The following TSGA10 variants were observed in gnomAD, a reference collection of about 807,000 sequenced individuals.
The protein encoded by TSGA10 is testis specific 10.
In TSGA10, 43 loss-of-function variants were observed where a neutral mutation model predicts 96.6. That is an observed-to-expected ratio of 0.44 (90% CI 0.35 to 0.57). The LOEUF is 0.57. TSGA10 is among the 20% of genes least tolerant of loss of function. The pLI is 0.01. For synonymous variants in TSGA10, 229 were observed against 269.9 expected (o/e 0.85, Z 1.48); for missense variants, 703 against 834.4 (o/e 0.84, Z 1.94).
At chr2:99,049,721 A>G (rs1377694970) in intron 16 of TSGA10, among the ~76,000 whole-genome samples, 2 of 144,514 alleles carry the variant, frequency 1.4e-5, no homozygotes, top group Admixed American at 1.4e-4. Context: ...CCAGAACTTA[A>G]AGTATAATTT....
chr2:99,026,806 G>A (rs1279104657), intron 17 of TSGA10, among the ~76,000 whole-genome samples: 1 of 152,162 alleles, frequency 6.6e-6, no homozygotes, highest in African/African-American at 2.4e-5. Context: ...TGGATGAATT[G>A]ATAAAGAAAA....
intron 20 of TSGA10, among the ~76,000 whole-genome samples, chr2:99,008,745 AT>A (rs2078722714): frequency 6.6e-6 from 1 of 152,214 alleles, no homozygotes; most frequent in African/African-American, 2.4e-5. Context: ...CTTGTTTGTA[AT>A]TGCAAATTAT....
intron 1 of TSGA10, among the ~76,000 whole-genome samples, chr2:99,146,104 G>A (rs1400171472): frequency 5.9e-5 from 9 of 152,188 alleles, no homozygotes; most frequent in Admixed American, 3.3e-4. Context: ...CCAACATGGC[G>A]AAACATCGTC....
At chr2:99,119,668 T>G (rs151015553) in intron 2 of TSGA10, among the ~76,000 whole-genome samples, 3 of 152,318 alleles carry the variant, frequency 2.0e-5, no homozygotes, top group East Asian at 1.9e-4. Context: ...CTAACAATCA[T>G]TAATTATTTA....
intron 20 of TSGA10, among the ~76,000 whole-genome samples, chr2:99,008,404 G>C (rs1398290822): frequency 2.0e-5 from 3 of 152,104 alleles, no homozygotes; most frequent in Admixed American, 6.5e-5. Flanking sequence ...TTCCCAAAAA[G>C]AGATATAATA....
intron 16 of TSGA10, among the ~76,000 whole-genome samples, chr2:99,055,082 A>G (rs996726612): frequency 6.6e-6 from 1 of 152,254 alleles, no homozygotes. Context: ...ATTATTTACA[A>G]TAGCCAAGAT....
chr2:99,019,740 C>T (rs1374198154), intron 18 of TSGA10, among the ~76,000 whole-genome samples: 1 of 152,078 alleles, frequency 6.6e-6, no homozygotes, highest in Non-Finnish European at 1.5e-5. Context: ...TACAGGGAGG[C>T]AATTCCACCC....
At chr2:99,003,040 G>A (rs1288943116) in intron 20 of TSGA10, among the ~76,000 whole-genome samples, 1 of 152,004 alleles carries the variant, frequency 6.6e-6, no homozygotes, top group East Asian at 1.9e-4. Context: ...TGTATTTTTA[G>A]TAGAGACAGG....
chr2:99,035,203 T>C (rs941027475), intron 17 of TSGA10, 27 bp downstream of exon 17: 1 of 1,516,166 alleles, frequency 6.6e-7, no homozygotes, highest in African/African-American at 1.4e-5. Flanking sequence ...ATAGCAATTT[T>C]AAAGATTTTT....
chr2:99,119,419 T>C (rs2104929596), intron 2 of TSGA10, among the ~76,000 whole-genome samples: 1 of 152,326 alleles, frequency 6.6e-6, no homozygotes, highest in East Asian at 1.9e-4. Flanking sequence ...TAAAATGCCA[T>C]TTATGATCCA....
intron 20 of TSGA10, among the ~76,000 whole-genome samples, chr2:99,014,031 T>C (rs148200870): frequency 0.011 from 1,628 of 152,246 alleles, 9 homozygotes; most frequent in Middle Eastern, 0.027. Context: ...AGCAGACGTC[T>C]GTAATCTCAG....
intron 1 of TSGA10, among the ~76,000 whole-genome samples, chr2:99,135,327 C>T (rs1387951919): frequency 6.6e-6 from 1 of 152,146 alleles, no homozygotes; most frequent in African/African-American, 2.4e-5. Flanking sequence ...GCAGCTTAGC[C>T]AAGCTGTGGT....
At chr2:99,077,486 A>G (rs2086858289) in intron 12 of TSGA10, among the ~76,000 whole-genome samples, 1 of 152,158 alleles carries the variant, frequency 6.6e-6, no homozygotes, top group African/African-American at 2.4e-5. Context: ...CAGCTTAGGA[A>G]CTGCTTTCAG....
At chr2:99,065,253 T>C in intron 15 of TSGA10, 129 bp from the exon 16 acceptor site, 2 of 961,266 alleles carry the variant, frequency 2.1e-6, no homozygotes, top group Non-Finnish European at 3.0e-6. Flanking sequence ...AGGAAATATA[T>C]CTATACTCTT....
intron 16 of TSGA10, among the ~76,000 whole-genome samples, chr2:99,051,343 T>A (rs973879638): frequency 2.6e-5 from 4 of 152,082 alleles, no homozygotes; most frequent in Non-Finnish European, 5.9e-5. Context: ...GTGGTTATGA[T>A]AATATCAGAG....
intron 17 of TSGA10, among the ~76,000 whole-genome samples, chr2:99,032,067 T>C (rs546197165): frequency 2.0e-5 from 3 of 152,284 alleles, no homozygotes; most frequent in Admixed American, 2.0e-4. Flanking sequence ...GGCTTTATAG[T>C]GGCAAGTGAG....
At chr2:99,011,683 A>AGT (rs1403027322) in intron 20 of TSGA10, among the ~76,000 whole-genome samples, 1 of 152,002 alleles carries the variant, frequency 6.6e-6, no homozygotes, top group African/African-American at 2.4e-5. Context: ...TGTGTGTGCA[A>AGT]GTGTGTGTGT....
At chr2:99,116,989 TG>T (rs1222941634) in intron 4 of TSGA10, 1 of 152,238 alleles carries the variant, frequency 6.6e-6, no homozygotes, top group Non-Finnish European at 1.5e-5. Context: ...TCTCTATAAC[TG>T]TATTTTTGTA....
intron 16 of TSGA10, among the ~76,000 whole-genome samples, 200 bp from the exon 17 acceptor site, chr2:99,035,639 A>C (rs1222175289): frequency 2.0e-5 from 3 of 151,680 alleles, no homozygotes; most frequent in Admixed American, 2.0e-4. Context: ...TTTTACATAA[A>C]ATTCATGAGC....
Sources: gnomAD v4.1 joint callset for allele counts (sites outside exome capture counted in the v4.1 genomes callset) on GRCh38, gnomAD v4.1.1 for gene constraint, MANE v1.5 for transcripts, NCBI Gene and HGNC (gene_info 2026-07-23, HGNC 2026-07-21) for gene names.